Variants in CACNA2D3 observed in about 807,000 individuals in gnomAD.
CACNA2D3 encodes voltage-dependent calcium channel subunit alpha-2/delta-3.
In CACNA2D3, 60 loss-of-function variants were observed where a neutral mutation model predicts 160.6. That is an observed-to-expected ratio of 0.37 (90% CI 0.30 to 0.46). CACNA2D3 has a LOEUF of 0.46. CACNA2D3 is among the 20% of genes least tolerant of loss of function. The pLI, the probability that CACNA2D3 is intolerant of heterozygous loss-of-function variation, is 1.00. For missense variants in CACNA2D3, 1,205 were observed against 1,365.0 expected, an observed-to-expected ratio of 0.88 and a Z score of 1.85; for synonymous variants, 558 against 492.9, an observed-to-expected ratio of 1.13 and a Z score of -1.75.
chr3:54,822,528 C>G (rs1048343620), intron 14 of CACNA2D3, among the ~76,000 whole-genome samples: 4 of 152,146 alleles, frequency 2.6e-5, no homozygotes, highest in African/African-American at 9.7e-5. Flanking sequence ...TTGGCTGACC[C>G]CTTTTCCATG....
At chr3:54,780,309 G>A (rs971187008) in intron 13 of CACNA2D3, among the ~76,000 whole-genome samples, 4 of 152,216 alleles carry the variant, frequency 2.6e-5, no homozygotes, top group Non-Finnish European at 5.9e-5. Flanking sequence ...TTTGAAGGAA[G>A]AACAGGGACA....
At chr3:54,978,487 T>G (rs1204173915) in intron 29 of CACNA2D3, among the ~76,000 whole-genome samples, 1 of 152,214 alleles carries the variant, frequency 6.6e-6, no homozygotes, top group East Asian at 1.9e-4. Flanking sequence ...GACTCCGAGT[T>G]CTGACAAAAG....
At chr3:54,559,454 A>G (rs59439209) in intron 5 of CACNA2D3, among the ~76,000 whole-genome samples, 7,967 of 151,910 alleles carry the variant, frequency 0.052, 663 homozygotes, top group African/African-American at 0.18. Flanking sequence ...CACCACGCCC[A>G]GCTAGTTTTT....
chr3:54,685,252 A>G (rs558568222), intron 11 of CACNA2D3, among the ~76,000 whole-genome samples: 22 of 152,340 alleles, frequency 1.4e-4, no homozygotes, highest in Non-Finnish European at 1.5e-5. Context: ...GAATGAATGA[A>G]TCGGAGGTCC....
intron 35 of CACNA2D3, among the ~76,000 whole-genome samples, chr3:55,019,083 C>CTT (rs1339200587): frequency 2.1e-5 from 3 of 141,982 alleles, no homozygotes; most frequent in Non-Finnish European, 4.5e-5. Context: ...TAGAAATTTT[C>CTT]TTTCTTTCTT....
At chr3:54,612,571 T>C (rs1698766069) in intron 9 of CACNA2D3, among the ~76,000 whole-genome samples, 1 of 152,212 alleles carries the variant, frequency 6.6e-6, no homozygotes, top group South Asian at 2.1e-4. Context: ...ATTTTGCTAG[T>C]TTCTCTGTGA....
At chr3:54,151,410 G>C (rs1295247990) in intron 2 of CACNA2D3, among the ~76,000 whole-genome samples, 5 of 151,768 alleles carry the variant, frequency 3.3e-5, no homozygotes, top group Non-Finnish European at 7.4e-5. Flanking sequence ...TAGAGGGATG[G>C]ATAGTTGGGG....
chr3:54,517,013 T>C (rs1264354635), intron 5 of CACNA2D3, among the ~76,000 whole-genome samples: 5 of 152,050 alleles, frequency 3.3e-5, no homozygotes, highest in Admixed American at 3.3e-4. Flanking sequence ...AAAGGCTGAG[T>C]TGGGTGGTGG....
chr3:54,142,885 G>T (rs1559860799), intron 2 of CACNA2D3, among the ~76,000 whole-genome samples: 1 of 152,168 alleles, frequency 6.6e-6, no homozygotes, highest in Non-Finnish European at 1.5e-5. Context: ...TTCTCTCATG[G>T]CCTGCATTTG....
At chr3:54,422,699 T>A (rs1699856495) in intron 4 of CACNA2D3, among the ~76,000 whole-genome samples, 1 of 152,168 alleles carries the variant, frequency 6.6e-6, no homozygotes, top group Admixed American at 6.5e-5. Flanking sequence ...CAAATGTTGG[T>A]AAGGGCCTGG....
intron 28 of CACNA2D3, 140 bp downstream of exon 28, chr3:54,968,651 C>T (rs1702207020): frequency 9.4e-6 from 6 of 637,672 alleles, no homozygotes; most frequent in Non-Finnish European, 1.7e-5. Flanking sequence ...GATTACCTTT[C>T]ATTTCACTGC....
intron 32 of CACNA2D3, among the ~76,000 whole-genome samples, chr3:55,005,529 C>G (rs542416495): frequency 6.6e-6 from 1 of 152,068 alleles, no homozygotes; most frequent in Admixed American, 6.6e-5. Context: ...CCCTAATTCC[C>G]ATTTTGATCA....
intron 13 of CACNA2D3, among the ~76,000 whole-genome samples, chr3:54,796,131 A>C (rs898464340): frequency 6.6e-6 from 1 of 152,156 alleles, no homozygotes; most frequent in East Asian, 1.9e-4. Flanking sequence ...CAAGGAGACC[A>C]CTTCATTTTT....
At chr3:55,051,042 G>GGTTTGAATGTCCTC (rs1704192228) in intron 35 of CACNA2D3, among the ~76,000 whole-genome samples, 1 of 149,544 alleles carries the variant, frequency 6.7e-6, no homozygotes, top group South Asian at 2.1e-4. Flanking sequence ...CTTTGCCTTT[G>GGTTTGAATGTCCTC]GTTTGAATGT....
intron 5 of CACNA2D3, among the ~76,000 whole-genome samples, chr3:54,553,746 GA>G (rs1056123305): frequency 6.6e-6 from 1 of 152,048 alleles, no homozygotes; most frequent in Non-Finnish European, 1.5e-5. Context: ...TGGTATTGGG[GA>G]AAAAAATCAA....
intron 10 of CACNA2D3, among the ~76,000 whole-genome samples, chr3:54,640,323 A>G (rs1484281627): frequency 1.3e-5 from 2 of 152,230 alleles, no homozygotes; most frequent in African/African-American, 2.4e-5. Context: ...GCAGATTTTA[A>G]TAGAGAAGGT....
At chr3:54,249,662 T>TACACACACACACACACAC (rs10656572) in intron 2 of CACNA2D3, among the ~76,000 whole-genome samples, 5 of 132,846 alleles carry the variant, frequency 3.8e-5, no homozygotes, top group African/African-American at 2.8e-5. Flanking sequence ...TCTGTTTACG[T>TACACACACACACACACAC]ACACACACAC....
chr3:55,019,407 T>C (rs1318444396), intron 35 of CACNA2D3, among the ~76,000 whole-genome samples: 1 of 151,972 alleles, frequency 6.6e-6, no homozygotes, highest in Non-Finnish European at 1.5e-5. Context: ...TTAAAGATAA[T>C]TACTATTTTT....
intron 2 of CACNA2D3, among the ~76,000 whole-genome samples, chr3:54,280,068 G>A (rs200735158): frequency 0.13 from 17,953 of 135,196 alleles, 1,160 homozygotes; most frequent in East Asian, 0.26. Context: ...TTGTTTGTTT[G>A]TTTATTTATT....
Sources: gnomAD v4.1 joint callset for allele counts (sites outside exome capture counted in the v4.1 genomes callset) on GRCh38, gnomAD v4.1.1 for gene constraint, MANE v1.5 for transcripts, NCBI Gene and HGNC (gene_info 2026-07-23, HGNC 2026-07-21) for gene names.